CIT: variants seen among roughly 807,000 people sequenced by gnomAD.
CIT encodes citron Rho-interacting kinase.
CIT carries 79 observed loss-of-function variants against 272.7 expected under a neutral mutation model. The observed-to-expected ratio is 0.29, with a 90% CI of 0.24 to 0.35. CIT has a LOEUF of 0.35. Ranked by LOEUF, CIT falls within the 10% of genes least tolerant of loss-of-function variation. The pLI is 1.00. For missense variants in CIT, 1,909 were observed against 2,618.3 expected (o/e 0.73, Z 5.91); for synonymous variants, 948 against 995.6 (o/e 0.95, Z 0.90).
At chr12:119,861,137 A>C (rs77393230) in intron 3 of CIT, among the ~76,000 whole-genome samples, 1 of 151,686 alleles carries the variant, frequency 6.6e-6, no homozygotes, top group African/African-American at 2.4e-5. Context: ...AAAAAAAAAA[A>C]CTTCACAACT....
chr12:119,713,136 C>A lies in CIT; in HGVS notation c.4579+67G>T. 1 of 1,199,248 alleles carries A rather than the reference C, an allele frequency of 8.3e-7. No individual in the cohort carries two copies. The highest frequency in any genetic ancestry group is 1.2e-6 in the Non-Finnish European group (1 of 829,776). The allele number at this position is 1,199,248 out of a possible 1,614,324, so 74.3% of individuals were successfully genotyped here. The stretch of plus-strand genomic sequence containing the variant: ...AAGGCAGTCCAAAAAACAAAGCCTT[C>A]GCGCCAGCACTGGGGAGACCTGGGT... On this transcript the variant is annotated intron_variant, in intron 35 of 47. Coordinates refer to ENST00000392521, the MANE Select transcript of CIT (RefSeq NM_001206999.2). The surrounding 1 kb of genome is among the most constrained non-coding windows in gnomAD (Gnocchi z 5.2).
intron 32 of CIT, among the ~76,000 whole-genome samples, chr12:119,714,565 A>G (rs987339608): frequency 3.3e-5 from 5 of 152,236 alleles, no homozygotes; most frequent in Admixed American, 1.3e-4. Context: ...TAAATGGCCA[A>G]CGAGCAAATG....
chr12:119,687,439 G>A lies in CIT; in HGVS notation c.*793C>T, dbSNP rs1198835272. On this transcript the variant is annotated 3_prime_UTR_variant, in exon 48 of 48. Transcript: ENST00000392521. ...AACAGCAGGCTGGGGAGATGACGCTGGGGGGTGGGGAAGGAAAGCGTCTCG... is the reference window on the plus strand; with the variant it reads ...AACAGCAGGCTGGGGAGATGACGCTAGGGGGTGGGGAAGGAAAGCGTCTCG... The A allele has an allele frequency of 6.6e-6, 1 of 152,652 alleles. No homozygotes were observed. Among genetic ancestry groups the A allele is most frequent in the South Asian group, 2.1e-4 (1 of 4,830 alleles). The allele number at this position is 152,652 out of a possible 1,614,324, so 9.5% of individuals were successfully genotyped here.
intron 23 of CIT, among the ~76,000 whole-genome samples, chr12:119,747,418 C>T (rs1434035211): frequency 1.8e-5 from 2 of 112,080 alleles, no homozygotes; most frequent in Non-Finnish European, 3.7e-5. Context: ...GAGACTCCAT[C>T]TCAAAAAAAA....
At position 119,749,000 on chromosome 12, in the gene CIT, A is replaced by G. The variant is rs190451125; in HGVS notation, c.2904+3050T>C. 2.0e-3 allele frequency among the ~76,000 whole-genome samples: 303 copies of G among 152,356 alleles called. 2 individuals carry two copies. Among genetic ancestry groups the G allele is most frequent in the African/African-American group, 6.8e-3 (284 of 41,572 alleles). ...AAATGTCTCTTTTCCAGCAATAAGT[A>G]CGGAAGTATCTTAAAAGCATGTTTC... is the stretch of plus-strand genomic sequence containing the variant. On this transcript the variant is annotated intron_variant, in intron 23 of 47. Transcript: ENST00000392521.
intron 20 of CIT, 78 bp downstream of exon 20, chr12:119,760,859 TAG>T (rs1961695654): frequency 2.2e-6 from 2 of 895,476 alleles, no homozygotes; most frequent in African/African-American, 1.7e-5. Flanking sequence ...CCAGGTGAAA[TAG>T]AGTCTTATCA....
At chr12:119,823,169 T>C (rs1423008210) in intron 8 of CIT, among the ~76,000 whole-genome samples, 196 bp from the exon 9 acceptor site, 1 of 152,100 alleles carries the variant, frequency 6.6e-6, no homozygotes, top group Non-Finnish European at 1.5e-5. Context: ...ATAGGCTTAG[T>C]TCCTTTGTAG....
At chr12:119,786,467 A>G (rs1964806848) in intron 10 of CIT, among the ~76,000 whole-genome samples, 2 of 152,204 alleles carry the variant, frequency 1.3e-5, no homozygotes, top group Non-Finnish European at 2.9e-5. Context: ...CTGGATATGA[A>G]CACTGGGATT....
chr12:119,720,267 A>G (rs1957757207), intron 30 of CIT, among the ~76,000 whole-genome samples: 1 of 152,228 alleles, frequency 6.6e-6, no homozygotes, highest in Admixed American at 6.5e-5. Context: ...TCATAAACAA[A>G]AAGTAGTTTG....
intron 8 of CIT, among the ~76,000 whole-genome samples, chr12:119,823,832 G>A (rs1967932572): frequency 6.6e-6 from 1 of 151,868 alleles, no homozygotes; most frequent in South Asian, 2.1e-4. Context: ...CTAAGGTCAA[G>A]AGTTCAAGAC....
At chr12:119,845,943 A>AACACACAC (rs58381184) in intron 5 of CIT, among the ~76,000 whole-genome samples, 4,112 of 136,958 alleles carry the variant, frequency 0.03, 145 homozygotes, top group African/African-American at 0.084. Context: ...TCCATCTCAA[A>AACACACAC]ACACACACAC....
At position 119,832,787 on chromosome 12, in the gene CIT, A is replaced by G; in HGVS notation, c.737T>C (p.Met246Thr). 1 of 1,613,642 alleles carries G rather than the reference A, an allele frequency of 6.2e-7. No individual in the cohort carries two copies. The highest frequency in any genetic ancestry group is 8.5e-7 in the Non-Finnish European group (1 of 1,179,622). The change falls in exon 7 of 48, where the codon ATG (methionine) becomes ACG (threonine). Residue 246 changes from methionine (M) to threonine (T), a missense_variant. Coordinates refer to ENST00000392521, the MANE Select transcript of CIT (RefSeq NM_001206999.2). ...ATTTTTTACCATCTTGTTTGAATTC[A>G]TTTTCGCGGCAGATCCAAAATCCAC... ...KLVDFGSAAK[M>T]NSNKMVNAKL... is the part of the protein sequence containing the mutation.
rs190509791 is a variant in CIT, at chr12:119,857,790, G to A, written c.239-92C>T. 94 of 1,157,340 alleles carry A rather than the reference G, an allele frequency of 8.1e-5. No individual in the cohort carries two copies. The Middle Eastern group carries it at 1.4e-3, about 17-fold the overall frequency. 71.7% of individuals were successfully genotyped at this position (1,157,340 alleles called of 1,614,324 possible). A position where few individuals can be genotyped will look rare whatever the true frequency, so the allele number is the denominator to read the frequency against. ...AAAAAAAAAAAAGAAAATAGCATTC[G>A]GATAGCTTCCCTCACTGTCAAAGAC... On this transcript the variant is annotated intron_variant, in intron 3 of 47. Coordinates refer to ENST00000392521, the MANE Select transcript of CIT (RefSeq NM_001206999.2).
intron 9 of CIT, among the ~76,000 whole-genome samples, chr12:119,811,770 T>C (rs1966849531): frequency 6.6e-6 from 1 of 152,226 alleles, no homozygotes. Flanking sequence ...AGCTTTACTT[T>C]GTTTTTTTCT....
rs779266397 is a variant in CIT at position 119,710,357 on chromosome 12, G to C, written c.4965C>G (p.Leu1655=). 1 of 1,614,220 alleles carries C rather than the reference G, an allele frequency of 6.2e-7. No homozygotes were observed. The highest frequency in any genetic ancestry group is 8.5e-7 in the Non-Finnish European group (1 of 1,180,042). ...QVVLVGTEEG[L]YALNVLKNSL... ...AGTTTTTCAAGACATTCAGGGCGTA[G>C]AGCCCTTCCTCGGTGCCCACCAACA... Residue 1655 remains leucine (L), a synonymous_variant, in exon 39 of 48, where the codon CTC becomes CTG. Coordinates refer to ENST00000392521, the MANE Select transcript of CIT (RefSeq NM_001206999.2). The surrounding 1 kb of genome is among the most constrained non-coding windows in gnomAD (Gnocchi z 5.6).
intron 24 of CIT, among the ~76,000 whole-genome samples, chr12:119,741,529 C>A (rs907082231): frequency 6.6e-6 from 1 of 151,870 alleles, no homozygotes; most frequent in Non-Finnish European, 1.5e-5. Context: ...AAAAAAATAC[C>A]ATTAGGACTT....
chr12:119,789,028 GC>G (rs1388910244), intron 10 of CIT, among the ~76,000 whole-genome samples: 2 of 152,130 alleles, frequency 1.3e-5, no homozygotes, highest in Non-Finnish European at 2.9e-5. Context: ...AGGTTATCAG[GC>G]TTCCTACACC....
At position 119,804,151 on chromosome 12, in the gene CIT, T is replaced by G; in HGVS notation, c.1112-762A>C. On this transcript the variant is annotated intron_variant, in intron 9 of 47. Coordinates refer to ENST00000392521, the MANE Select transcript of CIT (RefSeq NM_001206999.2). The surrounding 1 kb of genome is among the most constrained non-coding windows in gnomAD (Gnocchi z 5.3). ...CGGTGGGAATGCACGGATGGACATA[T>G]GCGGCTCCTACCTCCTCAGGGCTTC... The G allele has an allele frequency of 3.0e-6, 3 of 985,330 alleles. No homozygotes were observed. The highest frequency in any genetic ancestry group is 3.6e-6 in the Non-Finnish European group (3 of 829,906). The allele number at this position is 985,330 out of a possible 1,614,324, so 61.0% of individuals were successfully genotyped here.
intron 44 of CIT, among the ~76,000 whole-genome samples, chr12:119,698,377 G>A (rs907225819): frequency 6.6e-6 from 1 of 151,968 alleles, no homozygotes; most frequent in African/African-American, 2.4e-5. Flanking sequence ...ATCACCTGAA[G>A]TCAGGAGTTC....
Sources: gnomAD v4.1 joint callset for allele counts (sites outside exome capture counted in the v4.1 genomes callset) on GRCh38, gnomAD v4.1.1 for gene constraint, Gnocchi (gnomAD v3.1) non-coding constraint, MANE v1.5 for transcripts, NCBI Gene and HGNC (gene_info 2026-07-23, HGNC 2026-07-21) for gene names.